ZNF385D: variants seen among roughly 807,000 people sequenced by gnomAD.
ZNF385D encodes the protein zinc finger protein 385D.
Under a neutral mutation model 35.8 loss-of-function variants are expected in ZNF385D, and 15 were observed. That is an observed-to-expected ratio of 0.42 (90% confidence interval 0.28 to 0.64). ZNF385D has a LOEUF of 0.64. Ranked by LOEUF, ZNF385D falls within the 30% of genes least tolerant of loss-of-function variation. The pLI, the probability that ZNF385D is intolerant of heterozygous loss-of-function variation, is 0.23. For synonymous variants in ZNF385D, 212 were observed against 186.8 expected (o/e 1.13, Z -1.10); for missense variants, 474 against 494.6 (o/e 0.96, Z 0.39).
In ZNF385D at chr3:21,539,473, T is replaced by C. The variant is rs143904048; in HGVS notation, c.276+25101A>G. Among the ~76,000 whole-genome samples the C allele has an allele frequency of 1.5e-3, 231 of 152,324 alleles. 1 individual carries two copies. Among genetic ancestry groups the C allele is most frequent in the African/African-American group, 5.3e-3 (219 of 41,600 alleles). On this transcript the variant is annotated intron_variant, in intron 3 of 7. Transcript: ENST00000281523. This position sits in a 1 kb window ranked among gnomAD's most constrained non-coding sequence, Gnocchi z 4.0. ...ATAAAAGAAATTTTAATTTTTGTAA[T>C]TAGGCCTTTTAATAGAAGGACATGA...
At chr3:21,540,485 G>T (rs960253914) in intron 3 of ZNF385D, among the ~76,000 whole-genome samples, 3 of 152,164 alleles carry the variant, frequency 2.0e-5, no homozygotes, top group African/African-American at 7.2e-5. Context: ...AGTGATTGAT[G>T]GTTGGGACGA....
chr3:22,179,811 C>A (rs908493132), intron 2 of ZNF385D, among the ~76,000 whole-genome samples: 34 of 152,110 alleles, frequency 2.2e-4, no homozygotes, highest in African/African-American at 7.7e-4. Flanking sequence ...ATTTATAGCA[C>A]TAAATGCCCA....
intron 7 of ZNF385D, 73 bp from the exon 8 acceptor site, chr3:21,421,520 G>T: frequency 9.0e-7 from 1 of 1,105,178 alleles, no homozygotes; most frequent in Non-Finnish European, 1.3e-6. Flanking sequence ...AAATGGCAGG[G>T]AGCTTTTAAA....
chr3:21,989,657 T>C (rs1695035395), intron 3 of ZNF385D, among the ~76,000 whole-genome samples: 1 of 148,652 alleles, frequency 6.7e-6, no homozygotes, highest in Admixed American at 6.6e-5. Context: ...TATGACATCA[T>C]GTTTTCTTTC....
At chr3:22,366,516 A>G (rs1438707407) in intron 2 of ZNF385D, among the ~76,000 whole-genome samples, 9 of 152,164 alleles carry the variant, frequency 5.9e-5, no homozygotes, top group Admixed American at 5.9e-4. Context: ...AAAATAATGT[A>G]CTTTAAAAAT....
At chr3:21,657,831 G>A (rs1049557581) in intron 2 of ZNF385D, among the ~76,000 whole-genome samples, 49 of 151,918 alleles carry the variant, frequency 3.2e-4, no homozygotes, top group Admixed American at 6.6e-5. Context: ...ACAAATGGAA[G>A]TGTGCCTAAC....
chr3:22,111,985 T>C (rs1219378706), intron 3 of ZNF385D, among the ~76,000 whole-genome samples: 2 of 152,176 alleles, frequency 1.3e-5, no homozygotes, highest in Non-Finnish European at 2.9e-5. Flanking sequence ...AAAAGTCGGC[T>C]GTGCTAATAT....
At chr3:22,200,686 C>A (rs1237994907) in intron 2 of ZNF385D, among the ~76,000 whole-genome samples, 30 of 152,062 alleles carry the variant, frequency 2.0e-4, no homozygotes, top group Admixed American at 2.0e-3. Context: ...CTATGGGAGA[C>A]TGGGGTCTAT....
chr3:21,559,958 T>A (rs2062880285), intron 3 of ZNF385D, among the ~76,000 whole-genome samples: 1 of 152,218 alleles, frequency 6.6e-6, no homozygotes, highest in Admixed American at 6.5e-5. Context: ...CGGCTATTGA[T>A]ACTTGTGTAT....
chr3:22,197,875 C>T (rs565954542), intron 2 of ZNF385D, among the ~76,000 whole-genome samples: 2 of 152,168 alleles, frequency 1.3e-5, no homozygotes, highest in African/African-American at 4.8e-5. Context: ...ACTTGCTTTC[C>T]TTTATTGTGC....
At chr3:22,193,506 G>A (rs1354677355) in intron 2 of ZNF385D, among the ~76,000 whole-genome samples, 5 of 151,936 alleles carry the variant, frequency 3.3e-5, no homozygotes, top group African/African-American at 1.2e-4. Flanking sequence ...GAAAAATATG[G>A]GTTAAATGAA....
At chr3:21,690,415 C>A (rs867269702) in intron 1 of ZNF385D, among the ~76,000 whole-genome samples, 1 of 152,162 alleles carries the variant, frequency 6.6e-6, no homozygotes, top group Non-Finnish European at 1.5e-5. Context: ...ACACCAAAGT[C>A]TGAACTTTGA....
intron 2 of ZNF385D, among the ~76,000 whole-genome samples, chr3:22,231,329 A>G (rs1400111061): frequency 6.6e-6 from 1 of 152,110 alleles, no homozygotes; most frequent in Non-Finnish European, 1.5e-5. Flanking sequence ...GACTATTGGC[A>G]ATGAGAATGT....
At chr3:21,477,128 C>T (rs928036294) in intron 4 of ZNF385D, among the ~76,000 whole-genome samples, 5 of 152,156 alleles carry the variant, frequency 3.3e-5, no homozygotes, top group Non-Finnish European at 7.4e-5. Context: ...TATTAACATT[C>T]CCAGTTAATG....
intron 3 of ZNF385D, among the ~76,000 whole-genome samples, chr3:21,794,706 T>C (rs2072074336): frequency 6.6e-6 from 1 of 152,126 alleles, no homozygotes; most frequent in South Asian, 2.1e-4. Context: ...CAGGAGGCGA[T>C]TACATTTTAA....
intron 2 of ZNF385D, among the ~76,000 whole-genome samples, chr3:22,177,351 C>A (rs760662468): frequency 1.1e-4 from 17 of 152,100 alleles, no homozygotes; most frequent in Non-Finnish European, 2.1e-4. Flanking sequence ...TTTCTGAAGA[C>A]CTGAGTTAGA....
chr3:21,950,128 C>T (rs916590635), intron 3 of ZNF385D, among the ~76,000 whole-genome samples: 2 of 151,786 alleles, frequency 1.3e-5, no homozygotes, highest in East Asian at 1.9e-4. Flanking sequence ...TGAGGAATCA[C>T]CACACTGTCT....
intron 3 of ZNF385D, among the ~76,000 whole-genome samples, chr3:21,956,153 T>C (rs766105882): frequency 6.6e-5 from 10 of 151,540 alleles, no homozygotes; most frequent in Non-Finnish European, 1.3e-4. Context: ...CACCACTGCA[T>C]TGAAGACTGG....
At chr3:21,569,782 A>G (rs555508511) in intron 2 of ZNF385D, among the ~76,000 whole-genome samples, 1 of 151,830 alleles carries the variant, frequency 6.6e-6, no homozygotes, top group Admixed American at 6.6e-5. Flanking sequence ...ATTGGAAATC[A>G]TCATTCTCAG....
Sources: gnomAD v4.1 joint callset for allele counts (sites outside exome capture counted in the v4.1 genomes callset) on GRCh38, gnomAD v4.1.1 for gene constraint, Gnocchi (gnomAD v3.1) non-coding constraint, MANE v1.5 for transcripts, NCBI Gene and HGNC (gene_info 2026-07-23, HGNC 2026-07-21) for gene names.